Variants in NUDT4 observed in about 807,000 individuals in gnomAD.
NUDT4 encodes the protein diphosphoinositol polyphosphate phosphohydrolase 2.
In NUDT4, 5 loss-of-function variants were observed where a neutral mutation model predicts 23.1. The ratio of observed to expected loss-of-function variants is 0.22; its 90% CI spans 0.11 to 0.46. The LOEUF is 0.46. NUDT4 is among the 20% of genes least tolerant of loss of function. The pLI is 0.99. For synonymous variants in NUDT4, 50 were observed against 79.0 expected (o/e 0.63, Z 1.95); for missense variants, 96 against 211.6 (o/e 0.45, Z 3.39).
intron 3 of NUDT4, among the ~76,000 whole-genome samples, chr12:93,397,579 T>C (rs1356737236): frequency 2.0e-5 from 3 of 152,110 alleles, no homozygotes; most frequent in African/African-American, 7.2e-5. Context: ...CAGGCTTTAG[T>C]GCAGTGGCAT....
chr12:93,389,709 T>A (rs1437632311), intron 1 of NUDT4, among the ~76,000 whole-genome samples: 5 of 151,876 alleles, frequency 3.3e-5, no homozygotes, highest in South Asian at 4.2e-4. Context: ...AAGACCAGCC[T>A]GGCCAAGATG....
chr12:93,381,187 TTA>T (rs1875635696), intron 1 of NUDT4, among the ~76,000 whole-genome samples: 1 of 152,198 alleles, frequency 6.6e-6, no homozygotes, highest in East Asian at 1.9e-4. Flanking sequence ...TAGGAAGAAA[TTA>T]GGTAGCAGAA....
chr12:93,392,679 T>C (rs1279401864), intron 1 of NUDT4, among the ~76,000 whole-genome samples: 6 of 112,520 alleles, frequency 5.3e-5, no homozygotes, highest in Admixed American at 2.7e-4. Flanking sequence ...TTTTTTTTTT[T>C]TTTTTCCCCC....
intron 3 of NUDT4, 38 bp from the exon 4 acceptor site, chr12:93,398,722 ATGGCTAGCTCC>A (rs750946236): frequency 7.6e-7 from 1 of 1,318,902 alleles, no homozygotes; most frequent in African/African-American, 1.5e-5. Flanking sequence ...AAATGTGTCC[ATGGCTAGCTCC>A]TGTAGATTAA....
At chr12:93,391,667 G>A (rs1184587311) in intron 1 of NUDT4, among the ~76,000 whole-genome samples, 1 of 152,084 alleles carries the variant, frequency 6.6e-6, no homozygotes, top group Non-Finnish European at 1.5e-5. Context: ...AGCCCGGGAA[G>A]TGAAGGCTGC....
chr12:93,390,305 G>A (rs774561884), intron 1 of NUDT4, among the ~76,000 whole-genome samples: 3 of 152,116 alleles, frequency 2.0e-5, no homozygotes, highest in South Asian at 2.1e-4. Flanking sequence ...TCTGCAGTCC[G>A]GACCAGTAGT....
rs1265610242 is a variant in NUDT4 at position 93,403,743 on chromosome 12, A to C, written c.*4364A>C. On this transcript the variant is annotated 3_prime_UTR_variant, in exon 5 of 5. Transcript: ENST00000415493. ...AGACGTGATTTCCCCCACCAAATGC[A>C]CATTTTATGGAGCTCTAGGACAAAA... The C allele has an allele frequency of 6.6e-6, 1 of 152,220 alleles. No homozygotes were observed. Among genetic ancestry groups the C allele is most frequent in the Non-Finnish European group, 1.5e-5 (1 of 68,032 alleles). The allele number at this position is 152,220 out of a possible 1,614,324, so 9.4% of individuals were successfully genotyped here. A position where few individuals can be genotyped will look rare whatever the true frequency, so the allele number is the denominator to read the frequency against.
Position 93,405,578 on chromosome 12 carries a change from T to TTAGTACCA in NUDT4, c.*6202_*6209dup, listed in dbSNP as rs1877763155. 1.0e-5 allele frequency: 1 copy of TTAGTACCA among 96,412 alleles called. No homozygotes were observed. The highest frequency in any genetic ancestry group is 9.7e-5 in the Admixed American group (1 of 10,330). 6.0% of individuals were successfully genotyped at this position (96,412 alleles called of 1,614,324 possible). Reference sequence around the variant, plus strand: ...TCCCAGCATGGCAGCTAATGGCAAGTTAGTACCATAAAGCCAACTCTTGGA... The same window carrying TTAGTACCA: ...TCCCAGCATGGCAGCTAATGGCAAGTTAGTACCATAGTACCATAAAGCCAACTCTTGGA... On this transcript the variant is annotated 3_prime_UTR_variant, in exon 5 of 5. Coordinates refer to ENST00000415493, the MANE Select transcript of NUDT4 (RefSeq NM_019094.6).
At chr12:93,394,561 C>G in intron 1 of NUDT4, 48 bp from the exon 2 acceptor site, 2 of 1,030,830 alleles carry the variant, frequency 1.9e-6, no homozygotes. Context: ...TGTTTATATA[C>G]GAAGTGCTTC....
rs972515379 is a variant in NUDT4, at chr12:93,377,949, T to A, written c.-374T>A. ...CGGTCGCCGCGGTGCTGCTGCTCAG[T>A]GGGAGCGGGTCTTCGCAACTGTCTC... On this transcript the variant is annotated 5_prime_UTR_variant, in exon 1 of 5. Transcript: ENST00000415493. 1 of 288,150 alleles carries A rather than the reference T, an allele frequency of 3.5e-6. No individual in the cohort carries two copies. Among genetic ancestry groups the A allele is most frequent in the Non-Finnish European group, 6.9e-6 (1 of 145,690 alleles). The allele number at this position is 288,150 out of a possible 1,614,324, so 17.8% of individuals were successfully genotyped here. A position where few individuals can be genotyped will look rare whatever the true frequency, so the allele number is the denominator to read the frequency against.
rs1323404647 is a variant in NUDT4 at position 93,400,757 on chromosome 12, CTGCCTCCA to C, written c.*1384_*1391del. ...CCCGAGTAGTTGGGATTACAGGCGC[CTGCCTCCA>C]TGCCTGGCTAATTTTGTATTTTTAG... On this transcript the variant is annotated 3_prime_UTR_variant, in exon 5 of 5. Coordinates refer to ENST00000415493, the MANE Select transcript of NUDT4 (RefSeq NM_019094.6). The C allele has an allele frequency of 2.6e-5, 4 of 152,346 alleles. No homozygotes were observed. Among genetic ancestry groups the C allele is most frequent in the Admixed American group, 1.3e-4 (2 of 15,290 alleles). The allele number at this position is 152,346 out of a possible 1,614,324, so 9.4% of individuals were successfully genotyped here. A position where few individuals can be genotyped will look rare whatever the true frequency, so the allele number is the denominator to read the frequency against.
In NUDT4 at chr12:93,404,912, T is replaced by TG. The variant is rs1042418993; in HGVS notation, c.*5533_*5534insG. 3.3e-5 allele frequency: 5 copies of TG among 150,948 alleles called. 1 individual carries two copies. The highest frequency in any genetic ancestry group is 1.9e-4 in the East Asian group (1 of 5,190). 9.4% of individuals were successfully genotyped at this position (150,948 alleles called of 1,614,324 possible). ...AAATTTTTTTAATGTTTTAGGTTTT[T>TG]TTTTTTTTAAAAAAAATACTATGCC... On this transcript the variant is annotated 3_prime_UTR_variant, in exon 5 of 5. Coordinates refer to ENST00000415493, the MANE Select transcript of NUDT4 (RefSeq NM_019094.6).
At position 93,404,345 on chromosome 12, in the gene NUDT4, T is replaced by C. The variant is rs1338354550; in HGVS notation, c.*4966T>C. ...TGCAATATATCCATATGGTGTAATA[T>C]TACAGTCATTAGAAATGACATTTGC... On this transcript the variant is annotated 3_prime_UTR_variant, in exon 5 of 5. Transcript: ENST00000415493. 3 of 152,194 alleles carry C rather than the reference T, an allele frequency of 2.0e-5. No individual in the cohort carries two copies. The highest frequency in any genetic ancestry group is 4.4e-5 in the Non-Finnish European group (3 of 68,044). The allele number at this position is 152,194 out of a possible 1,614,324, so 9.4% of individuals were successfully genotyped here.
chr12:93,393,503 A>G (rs962740122), intron 1 of NUDT4, among the ~76,000 whole-genome samples: 41 of 152,208 alleles, frequency 2.7e-4, no homozygotes, highest in African/African-American at 9.7e-4. Flanking sequence ...AGTCTCTGTC[A>G]CAACTGCTTT....
intron 3 of NUDT4, among the ~76,000 whole-genome samples, chr12:93,398,236 A>G (rs1018027469): frequency 6.8e-6 from 1 of 146,270 alleles, no homozygotes; most frequent in Middle Eastern, 3.3e-3. Flanking sequence ...GCTACTCGGG[A>G]GGCTGAGGCA....
intron 1 of NUDT4, among the ~76,000 whole-genome samples, chr12:93,392,199 TAAGTG>T (rs1876565949): frequency 6.7e-6 from 1 of 149,952 alleles, no homozygotes; most frequent in East Asian, 2.0e-4. Context: ...GATTTTAACT[TAAGTG>T]AAGTTCAACC....
chr12:93,405,968 A>T lies in NUDT4; in HGVS notation c.*6589A>T, dbSNP rs1404913018. 6.6e-6 allele frequency: 1 copy of T among 152,156 alleles called. No homozygotes were observed. Among genetic ancestry groups the T allele is most frequent in the Non-Finnish European group, 1.5e-5 (1 of 68,036 alleles). 9.4% of individuals were successfully genotyped at this position (152,156 alleles called of 1,614,324 possible). A position where few individuals can be genotyped will look rare whatever the true frequency, so the allele number is the denominator to read the frequency against. The stretch of plus-strand genomic sequence containing the variant: ...TAAGGTTGTATTGCTACTGCAACTA[A>T]CAAAAAAGATGTGGCAGGGCTGGGC... On this transcript the variant is annotated 3_prime_UTR_variant, in exon 5 of 5. Transcript: ENST00000415493.
At chr12:93,392,666 CTTT>C (rs71307563) in intron 1 of NUDT4, among the ~76,000 whole-genome samples, 2 of 76,160 alleles carry the variant, frequency 2.6e-5, no homozygotes, top group Non-Finnish European at 4.9e-5. Context: ...AGATTTCAGT[CTTT>C]TTTTTTTTTT....
chr12:93,404,377 A>G lies in NUDT4; in HGVS notation c.*4998A>G, dbSNP rs1216517055. On this transcript the variant is annotated 3_prime_UTR_variant, in exon 5 of 5. Transcript: ENST00000415493. ...CATTAGAAATGACATTTGCGTAAGG[A>G]TCTGAGTGGAAACTGATACAGCCTG... 6.6e-6 allele frequency: 1 copy of G among 152,188 alleles called. No individual in the cohort carries two copies. Among genetic ancestry groups the G allele is most frequent in the Non-Finnish European group, 1.5e-5 (1 of 68,032 alleles). 9.4% of individuals were successfully genotyped at this position (152,188 alleles called of 1,614,324 possible). A position where few individuals can be genotyped will look rare whatever the true frequency, so the allele number is the denominator to read the frequency against.
Sources: allele counts gnomAD v4.1 joint callset (sites outside exome capture counted in the v4.1 genomes callset), GRCh38; gene constraint gnomAD v4.1.1; transcripts MANE v1.5; gene names NCBI Gene and HGNC (gene_info 2026-07-23, HGNC 2026-07-21).